The following AADACL2 variants were observed in gnomAD, a reference collection of about 807,000 sequenced individuals.
The protein encoded by AADACL2 is arylacetamide deacetylase-like 2.
A neutral mutation model predicts 22.3 loss-of-function variants in AADACL2; 23 were observed. The observed-to-expected ratio is 1.03, with a 90% CI of 0.74 to 1.46. AADACL2 has a LOEUF of 1.46. Ranked by LOEUF, AADACL2 falls within the 40% of genes most tolerant of loss-of-function variation. AADACL2 has a pLI of 0.00. For missense variants in AADACL2, 472 were observed against 482.9 expected, an observed-to-expected ratio of 0.98 and a Z score of 0.21; for synonymous variants, 177 against 166.2, an observed-to-expected ratio of 1.07 and a Z score of -0.50.
Position 151,745,647 on chromosome 3 carries a change from TG to T in AADACL2, c.575del (p.Gly192AlafsTer3). 6.2e-7 allele frequency: 1 copy of T among 1,612,208 alleles called. No individual in the cohort carries two copies. The highest frequency in any genetic ancestry group is 1.3e-5 in the African/African-American group (1 of 74,856). ...GAATCTGCATTGCGGGAGACAGTTC[TG>T]GGGGCAATTTAGCAACAGCGGTCAC... ...TRICIAGDSS[G>X]GNLATAVTQQ... On this transcript the variant is annotated frameshift_variant, in exon 4 of 5. Coordinates refer to ENST00000356517, the MANE Select transcript of AADACL2 (RefSeq NM_207365.4). LOFTEE classifies it low-confidence loss of function (END_TRUNC).
chr3:151,739,649 A>G (rs1239746586), intron 1 of AADACL2, among the ~76,000 whole-genome samples: 2 of 152,174 alleles, frequency 1.3e-5, no homozygotes, highest in East Asian at 1.9e-4. Flanking sequence ...TCTCAGGAAG[A>G]TGGGAGTTTT....
chr3:151,740,195 A>G (rs548969557), intron 1 of AADACL2, among the ~76,000 whole-genome samples: 1 of 152,360 alleles, frequency 6.6e-6, no homozygotes, highest in East Asian at 1.9e-4. Context: ...AAAGCGTAGT[A>G]TATGGGCTGG....
rs1714056853 is a variant in AADACL2, at chr3:151,758,999, T to C, written c.*1405T>C. ...AAGATTTTTTTAATGTAGAGAGAAATTAATTATGTTCAAAGAGCCCTTTTT... is the reference window on the plus strand; with the variant it reads ...AAGATTTTTTTAATGTAGAGAGAAACTAATTATGTTCAAAGAGCCCTTTTT... On this transcript the variant is annotated 3_prime_UTR_variant, in exon 5 of 5. Transcript: ENST00000356517. 1 of 151,990 alleles carries C rather than the reference T, an allele frequency of 6.6e-6. No homozygotes were observed. Among genetic ancestry groups the C allele is most frequent in the South Asian group, 2.1e-4 (1 of 4,830 alleles). The allele number at this position is 151,990 out of a possible 1,614,324, so 9.4% of individuals were successfully genotyped here.
intron 4 of AADACL2, 140 bp from the exon 5 acceptor site, chr3:151,756,852 T>C: frequency 1.7e-6 from 1 of 593,882 alleles, no homozygotes; most frequent in Non-Finnish European, 2.4e-6. Context: ...TAATATATTA[T>C]AAATATTATA....
intron 1 of AADACL2, among the ~76,000 whole-genome samples, chr3:151,739,349 G>T (rs1713199203): frequency 6.6e-6 from 1 of 152,200 alleles, no homozygotes; most frequent in Admixed American, 6.5e-5. Flanking sequence ...AAAGATTGCT[G>T]CTTGCTCCTT....
At chr3:151,756,400 CT>C (rs937788106) in intron 4 of AADACL2, among the ~76,000 whole-genome samples, 3 of 151,760 alleles carry the variant, frequency 2.0e-5, no homozygotes, top group African/African-American at 7.3e-5. Flanking sequence ...GTTGATTGGC[CT>C]TTTTTTTCTT....
At chr3:151,735,242 A>C (rs1372526119) in intron 1 of AADACL2, among the ~76,000 whole-genome samples, 3 of 152,190 alleles carry the variant, frequency 2.0e-5, no homozygotes, top group Non-Finnish European at 2.9e-5. Context: ...TTTCTTGATT[A>C]TCTAATTTGT....
Position 151,733,976 on chromosome 3 carries a change from T to A in AADACL2, c.-60T>A. ...TCTACAATTGCTCTACTAGTTACTA[T>A]TCAGTGTTTGTGAAAAATTTTAATC... On this transcript the variant is annotated 5_prime_UTR_variant, in exon 1 of 5. Coordinates refer to ENST00000356517, the MANE Select transcript of AADACL2 (RefSeq NM_207365.4). 9 of 1,516,312 alleles carry A rather than the reference T, an allele frequency of 5.9e-6. No individual in the cohort carries two copies. In the South Asian group the frequency reaches 1.1e-4, roughly 19 times the overall value. The allele number at this position is 1,516,312 out of a possible 1,614,324, so 93.9% of individuals were successfully genotyped here.
rs376891484 is a variant in AADACL2, at chr3:151,744,127, G to C, written c.396G>C (p.Thr132=). The change falls in exon 3 of 5, where the codon ACG becomes ACC. Residue 132 remains threonine (T), a synonymous_variant. Coordinates refer to ENST00000356517, the MANE Select transcript of AADACL2 (RefSeq NM_207365.4). The part of the protein sequence containing the change: ...QRAFDFLNRW[T]ANTLDAVVVG... ...CTTTTGACTTCCTGAATAGATGGAC[G>C]GCAAACACGCTTGATGCTGTTGTTG... The C allele has an allele frequency of 1.9e-6, 3 of 1,613,500 alleles. No homozygotes were observed. The highest frequency in any genetic ancestry group is 2.7e-5 in the African/African-American group (2 of 74,848).
At position 151,748,052 on chromosome 3, in the gene AADACL2, A is replaced by G. The variant is rs911458492; in HGVS notation, c.603+2372A>G. ...CCCATGATTTGAAATATTTTCTCCT[A>G]CTTTGTAGAGTGTCTCTTCACTCTG... On this transcript the variant is annotated intron_variant, in intron 4 of 4. Transcript: ENST00000356517. 2.0e-5 allele frequency among the ~76,000 whole-genome samples: 3 copies of G among 152,082 alleles called. No homozygotes were observed. The South Asian group carries it at 6.2e-4, about 32-fold the overall frequency.
intron 1 of AADACL2, among the ~76,000 whole-genome samples, chr3:151,735,957 G>A (rs1236479712): frequency 9.9e-5 from 15 of 152,000 alleles, no homozygotes; most frequent in Admixed American, 9.2e-4. Context: ...CGAGAAGCTG[G>A]TCAGGAATAC....
intron 4 of AADACL2, among the ~76,000 whole-genome samples, chr3:151,748,150 G>A (rs976927256): frequency 6.6e-6 from 1 of 151,718 alleles, no homozygotes; most frequent in Non-Finnish European, 1.5e-5. Flanking sequence ...TGCTTTTGTT[G>A]CCTGTACTTT....
At chr3:151,736,153 A>AT (rs1469271499) in intron 1 of AADACL2, among the ~76,000 whole-genome samples, 2 of 151,846 alleles carry the variant, frequency 1.3e-5, no homozygotes, top group Non-Finnish European at 2.9e-5. Flanking sequence ...TGCCTACAAA[A>AT]TTTATTTTTC....
chr3:151,751,546 GT>G (rs1260451191), intron 4 of AADACL2: 1 of 152,092 alleles, frequency 6.6e-6, no homozygotes, highest in Non-Finnish European at 1.5e-5. Context: ...GTCAGAGGTA[GT>G]GGTACACTCC....
At chr3:151,746,721 T>C (rs796709090) in intron 4 of AADACL2, among the ~76,000 whole-genome samples, 30 of 152,226 alleles carry the variant, frequency 2.0e-4, no homozygotes, top group African/African-American at 7.0e-4. Context: ...TTATTTATTA[T>C]TTTAGTGTGG....
At chr3:151,743,164 AT>A (rs534568379) in intron 2 of AADACL2, among the ~76,000 whole-genome samples, 1 of 151,944 alleles carries the variant, frequency 6.6e-6, no homozygotes, top group East Asian at 1.9e-4. Context: ...ATAAAACATT[AT>A]TTTTTTCTAT....
rs561809737 is a variant in AADACL2 at position 151,759,353 on chromosome 3, G to A, written c.*1759G>A. On this transcript the variant is annotated 3_prime_UTR_variant, in exon 5 of 5. Transcript: ENST00000356517. ...AAATCTCTTCATTTTGACAGCAAGT[G>A]CTGATTTGTAAGAAAATCATTAAAA... 2.2e-4 allele frequency: 34 copies of A among 152,268 alleles called. No homozygotes were observed. The highest frequency in any genetic ancestry group is 2.1e-3 in the Admixed American group (32 of 15,284). The allele number at this position is 152,268 out of a possible 1,614,324, so 9.4% of individuals were successfully genotyped here. A position where few individuals can be genotyped will look rare whatever the true frequency, so the allele number is the denominator to read the frequency against.
At chr3:151,735,496 G>T (rs551779628) in intron 1 of AADACL2, among the ~76,000 whole-genome samples, 1 of 152,316 alleles carries the variant, frequency 6.6e-6, no homozygotes, top group South Asian at 2.1e-4. Flanking sequence ...GGTGGCTCAC[G>T]ATTGTAATTT....
At chr3:151,751,474 T>C (rs1713666195) in intron 4 of AADACL2, 1 of 151,920 alleles carries the variant, frequency 6.6e-6, no homozygotes. Context: ...GGAAGCCCAG[T>C]GGGGAGGATT....
Sources: allele counts gnomAD v4.1 joint callset (sites outside exome capture counted in the v4.1 genomes callset), GRCh38; gene constraint gnomAD v4.1.1; transcripts MANE v1.5; gene names NCBI Gene and HGNC (gene_info 2026-07-23, HGNC 2026-07-21).